The following TRPC1 variants were observed in gnomAD, a reference collection of about 807,000 sequenced individuals.
The protein encoded by TRPC1 is short transient receptor potential channel 1.
In TRPC1, 42 loss-of-function variants were observed where a neutral mutation model predicts 88.2. The ratio of observed to expected loss-of-function variants is 0.48; its 90% CI spans 0.37 to 0.62. The LOEUF is 0.62. Among genes scored for constraint, TRPC1 ranks in the 20% least tolerant of loss-of-function variants. The probability of loss-of-function intolerance (pLI) is 0.00; values close to 1 mark genes in which losing one functional copy is unlikely to be tolerated. For missense variants in TRPC1, 699 were observed against 957.3 expected, an observed-to-expected ratio of 0.73 and a Z score of 3.56; for synonymous variants, 288 against 331.8, an observed-to-expected ratio of 0.87 and a Z score of 1.43.
intron 4 of TRPC1, among the ~76,000 whole-genome samples, chr3:142,775,948 T>C (rs186896523): frequency 6.6e-6 from 1 of 152,270 alleles, no homozygotes; most frequent in African/African-American, 2.4e-5. Context: ...GAATTTAAAA[T>C]ACAAATGCCA....
At chr3:142,791,300 T>C (rs1936289883) in intron 8 of TRPC1, 142 bp downstream of exon 8, 1 of 643,802 alleles carries the variant, frequency 1.6e-6, no homozygotes, top group Non-Finnish European at 2.4e-6. Context: ...TGTGTGCACA[T>C]AGTTTCCTAT....
At chr3:142,735,903 A>G (rs1332960410) in intron 1 of TRPC1, among the ~76,000 whole-genome samples, 1 of 152,162 alleles carries the variant, frequency 6.6e-6, no homozygotes, top group East Asian at 1.9e-4. Context: ...TTTCTCCTGT[A>G]AAACCTCTTT....
intron 4 of TRPC1, among the ~76,000 whole-genome samples, chr3:142,753,532 AG>A (rs1159738171): frequency 7.9e-5 from 12 of 152,148 alleles, no homozygotes; most frequent in Admixed American, 4.6e-4. Flanking sequence ...TTGGAGGCCG[AG>A]GCAGGCCGAT....
chr3:142,776,942 GAAAGA>G lies in TRPC1; in HGVS notation c.633-684_633-680del. 6.6e-6 allele frequency among the ~76,000 whole-genome samples: 1 copy of G among 151,974 alleles called. No individual in the cohort carries two copies. On this transcript the variant is annotated intron_variant, in intron 4 of 12. Coordinates refer to ENST00000476941, the MANE Select transcript of TRPC1 (RefSeq NM_001251845.2). The surrounding 1 kb of genome is among the most constrained non-coding windows in gnomAD (Gnocchi z 4.1). ...AAAAAGTATTTTTATTACTGAGAGA[GAAAGA>G]AAAGATTTATTAGTCATCAAATCCA...
intron 3 of TRPC1, among the ~76,000 whole-genome samples, chr3:142,747,994 T>TA (rs1934620953): frequency 6.6e-6 from 1 of 152,188 alleles, no homozygotes; most frequent in Non-Finnish European, 1.5e-5. Flanking sequence ...ATATTCTCAC[T>TA]TCTTTGTTGG....
At chr3:142,801,816 T>C (rs1207639230) in intron 9 of TRPC1, among the ~76,000 whole-genome samples, 1 of 152,192 alleles carries the variant, frequency 6.6e-6, no homozygotes, top group African/African-American at 2.4e-5. Flanking sequence ...TAAGCATTTA[T>C]TTCTCTTTAA....
chr3:142,770,000 C>A (rs376164140), intron 4 of TRPC1, among the ~76,000 whole-genome samples: 219 of 150,594 alleles, frequency 1.5e-3, no homozygotes, highest in African/African-American at 4.8e-3. Flanking sequence ...TGTTGTTGTT[C>A]ATTATCTGTT....
chr3:142,738,966 T>C (rs1328520504), intron 2 of TRPC1, among the ~76,000 whole-genome samples: 1 of 152,024 alleles, frequency 6.6e-6, no homozygotes, highest in Non-Finnish European at 1.5e-5. Flanking sequence ...GAGTTAGATA[T>C]TATTTTATTA....
At chr3:142,766,022 T>C (rs1226234258) in intron 4 of TRPC1, among the ~76,000 whole-genome samples, 3 of 151,784 alleles carry the variant, frequency 2.0e-5, no homozygotes, top group Admixed American at 6.6e-5. Flanking sequence ...CCAGTCAGAA[T>C]GTCTATTAAG....
At chr3:142,744,234 A>G (rs940125198) in intron 3 of TRPC1, among the ~76,000 whole-genome samples, 5 of 152,104 alleles carry the variant, frequency 3.3e-5, no homozygotes, top group African/African-American at 1.2e-4. Context: ...AAACTTACCA[A>G]ATTTACTTAT....
intron 9 of TRPC1, among the ~76,000 whole-genome samples, chr3:142,796,494 C>G (rs778409318): frequency 6.6e-6 from 1 of 151,932 alleles, no homozygotes; most frequent in Non-Finnish European, 1.5e-5. Context: ...TTTTCCTTAC[C>G]TGGTCCCAGG....
At chr3:142,759,363 C>T (rs1342835510) in intron 4 of TRPC1, among the ~76,000 whole-genome samples, 1 of 152,114 alleles carries the variant, frequency 6.6e-6, no homozygotes, top group Non-Finnish European at 1.5e-5. Context: ...TTAATGATCG[C>T]CATTCTAACT....
rs879184768 is a variant in TRPC1 at position 142,806,332 on chromosome 3, TA to T, written c.*100del. On this transcript the variant is annotated 3_prime_UTR_variant, in exon 13 of 13. Transcript: ENST00000476941. ...GAAATTAATGAGATATATATTGAAATAAAGAATTATGTAAAAGCCATTCTTT... is the reference window on the plus strand; with the variant it reads ...GAAATTAATGAGATATATATTGAAATAAGAATTATGTAAAAGCCATTCTTT... 2.8e-5 allele frequency: 26 copies of T among 916,908 alleles called. No individual in the cohort carries two copies. The highest frequency in any genetic ancestry group is 4.2e-5 in the Non-Finnish European group (26 of 620,428). 56.8% of individuals were successfully genotyped at this position (916,908 alleles called of 1,614,324 possible). A position where few individuals can be genotyped will look rare whatever the true frequency, so the allele number is the denominator to read the frequency against.
intron 2 of TRPC1, among the ~76,000 whole-genome samples, chr3:142,741,129 G>A (rs1164783115): frequency 1.3e-5 from 2 of 151,476 alleles, no homozygotes; most frequent in Non-Finnish European, 2.9e-5. Flanking sequence ...TTTTAATAAA[G>A]AATCGTCAAA....
chr3:142,739,891 A>G (rs759709767), intron 2 of TRPC1, among the ~76,000 whole-genome samples: 10 of 152,200 alleles, frequency 6.6e-5, no homozygotes, highest in Non-Finnish European at 1.2e-4. Context: ...TCCATGGCCT[A>G]TATGGTTCCG....
At chr3:142,755,165 G>A (rs1440895171) in intron 4 of TRPC1, among the ~76,000 whole-genome samples, 1 of 152,210 alleles carries the variant, frequency 6.6e-6, no homozygotes, top group Non-Finnish European at 1.5e-5. Flanking sequence ...GCTCATGCCT[G>A]TAATGCCAGC....
At chr3:142,736,590 G>A in intron 2 of TRPC1, 57 bp downstream of exon 2, 1 of 1,380,600 alleles carries the variant, frequency 7.2e-7, no homozygotes, top group Non-Finnish European at 9.6e-7. Context: ...GATATGCCAT[G>A]CTTTCTTCCC....
intron 1 of TRPC1, 34 bp from the exon 2 acceptor site, chr3:142,736,345 G>T: frequency 1.3e-6 from 2 of 1,488,210 alleles, no homozygotes; most frequent in South Asian, 1.4e-5. Context: ...GATATGTCAC[G>T]GATATTAAAT....
chr3:142,743,349 A>T, intron 2 of TRPC1, 136 bp from the exon 3 acceptor site: 3 of 609,716 alleles, frequency 4.9e-6, no homozygotes, highest in Non-Finnish European at 5.2e-6. Context: ...TGTACAGTCA[A>T]AATTTTTGAA....
Sources: allele counts gnomAD v4.1 joint callset (sites outside exome capture counted in the v4.1 genomes callset), GRCh38; gene constraint gnomAD v4.1.1; non-coding constraint Gnocchi (gnomAD v3.1); transcripts MANE v1.5; gene names NCBI Gene and HGNC (gene_info 2026-07-23, HGNC 2026-07-21).